UNK: variants seen among roughly 807,000 people sequenced by gnomAD.
UNK encodes unk zinc finger, also known as RING finger protein unkempt homolog.
UNK carries 32 observed loss-of-function variants against 97.6 expected under a neutral mutation model. That is an observed-to-expected ratio of 0.33 (90% CI 0.25 to 0.44). The LOEUF (loss-of-function observed/expected upper bound fraction) is 0.44, where lower values mean the gene tolerates loss of function less well. UNK is among the 20% of genes least tolerant of loss of function. The pLI is 1.00. For synonymous variants in UNK, 441 were observed against 461.2 expected, an observed-to-expected ratio of 0.96 and a Z score of 0.56; for missense variants, 771 against 1,098.4, an observed-to-expected ratio of 0.70 and a Z score of 4.21.
chr17:75,805,412 AAAAC>A (rs1337195987), intron 1 of UNK, among the ~76,000 whole-genome samples: 2 of 151,100 alleles, frequency 1.3e-5, no homozygotes, highest in Admixed American at 1.3e-4. Context: ...AAAAAAAAAA[AAAAC>A]AAGCCCACAT....
chr17:75,791,072 C>T (rs2143676453), intron 1 of UNK, among the ~76,000 whole-genome samples: 1 of 152,334 alleles, frequency 6.6e-6, no homozygotes, highest in South Asian at 2.1e-4. Flanking sequence ...ACTGCAGTGA[C>T]TGCAGTCGGT....
At position 75,825,456 on chromosome 17, in the gene UNK, C is replaced by T. The variant is rs1308829482; in HGVS notation, c.*1039C>T. On this transcript the variant is annotated 3_prime_UTR_variant, in exon 16 of 16. Coordinates refer to ENST00000589666, the MANE Select transcript of UNK (RefSeq NM_001080419.3). The surrounding 1 kb of genome is among the most constrained non-coding windows in gnomAD (Gnocchi z 4.4). Reference sequence around the variant, plus strand: ...TGCATTCCTTGGTGCTCTCTGAGTGCAGCTGGTGTCCCGCCCTGTTCTGGG... The same window carrying T: ...TGCATTCCTTGGTGCTCTCTGAGTGTAGCTGGTGTCCCGCCCTGTTCTGGG... 6.5e-6 allele frequency: 1 copy of T among 152,718 alleles called. No homozygotes were observed. The highest frequency in any genetic ancestry group is 2.4e-5 in the African/African-American group (1 of 41,458). 9.5% of individuals were successfully genotyped at this position (152,718 alleles called of 1,614,324 possible). A position where few individuals can be genotyped will look rare whatever the true frequency, so the allele number is the denominator to read the frequency against.
intron 1 of UNK, among the ~76,000 whole-genome samples, chr17:75,802,505 C>CTCCG (rs1467603950): frequency 6.6e-6 from 1 of 152,062 alleles, no homozygotes; most frequent in African/African-American, 2.4e-5. Context: ...ATCCTCCCAC[C>CTCCG]TCCGCCTCCT....
At chr17:75,821,673 G>C (rs1488239597) in intron 13 of UNK, 1 of 456,592 alleles carries the variant, frequency 2.2e-6, no homozygotes, top group Admixed American at 2.3e-5. Context: ...AAGGGAGCAA[G>C]GAAGAAGTCA....
chr17:75,800,698 C>T (rs992845806), intron 1 of UNK, among the ~76,000 whole-genome samples: 2 of 151,500 alleles, frequency 1.3e-5, no homozygotes, highest in African/African-American at 2.4e-5. Context: ...GATCGCGCCA[C>T]TGCACTCCAG....
At position 75,813,124 on chromosome 17, in the gene UNK, GC is replaced by G; in HGVS notation, c.674del (p.Pro225ArgfsTer95). ...ACTATAAGACGGAGCCTTGCAAGAA[GC>G]CCCCGCGGCTGTGCCGCCAAGGCTA... ...GNYKTEPCKKPPRLCRQGYAC... is the reference protein window; with the variant it reads ...GNYKTEPCKKXPRLCRQGYAC... On this transcript the variant is annotated frameshift_variant, in exon 5 of 16. Transcript: ENST00000589666. LOFTEE classifies it high-confidence loss of function. 1 of 1,586,788 alleles carries G rather than the reference GC, an allele frequency of 6.3e-7. No individual in the cohort carries two copies. Among genetic ancestry groups the G allele is most frequent in the Non-Finnish European group, 8.6e-7 (1 of 1,166,886 alleles).
chr17:75,785,979 A>G (rs568007149), intron 1 of UNK: 3 of 152,366 alleles, frequency 2.0e-5, no homozygotes, highest in African/African-American at 7.2e-5. Context: ...AACGAAGAAC[A>G]GAATCATCTG....
intron 1 of UNK, chr17:75,793,561 T>C: frequency 6.1e-6 from 6 of 985,392 alleles, no homozygotes; most frequent in Non-Finnish European, 7.2e-6. Context: ...TGTTGGTGGC[T>C]CAATTTCTTT....
chr17:75,821,742 C>G, intron 13 of UNK: 1 of 456,432 alleles, frequency 2.2e-6, no homozygotes, highest in African/African-American at 2.0e-5. Context: ...TTCTCGGAAG[C>G]CCGGGGCTGC....
intron 1 of UNK, 22 bp downstream of exon 1, chr17:75,785,006 C>CG (rs2061693274): frequency 8.8e-6 from 12 of 1,361,030 alleles, no homozygotes; most frequent in Non-Finnish European, 1.2e-5. Flanking sequence ...CCCCCCCCCC[C>CG]CGCCGCGCGC....
At position 75,818,040 on chromosome 17, in the gene UNK, G is replaced by T. The variant is rs1177043697; in HGVS notation, c.1306-63G>T. ...GCCCCCTGGTACCTGCAGCCTCAGG[G>T]TCAGATGGACTCAGGGACCCCCCAG... On this transcript the variant is annotated intron_variant, in intron 9 of 15. Coordinates refer to ENST00000589666, the MANE Select transcript of UNK (RefSeq NM_001080419.3). The surrounding 1 kb of genome is among the most constrained non-coding windows in gnomAD (Gnocchi z 5.1). 7.5e-5 allele frequency: 117 copies of T among 1,561,870 alleles called. No homozygotes were observed. The highest frequency in any genetic ancestry group is 9.6e-5 in the Non-Finnish European group (109 of 1,135,810).
At chr17:75,798,845 T>A (rs1398865915) in intron 1 of UNK, among the ~76,000 whole-genome samples, 2 of 151,686 alleles carry the variant, frequency 1.3e-5, no homozygotes, top group African/African-American at 4.8e-5. Context: ...GGCAGGCAGA[T>A]CATGAGGTCA....
At chr17:75,808,648 C>T (rs1342343008) in intron 1 of UNK, among the ~76,000 whole-genome samples, 3 of 152,142 alleles carry the variant, frequency 2.0e-5, no homozygotes, top group Non-Finnish European at 4.4e-5. Context: ...ACTTCTGTTC[C>T]CTTCATGCTT....
At chr17:75,792,284 T>C in intron 1 of UNK, 1 of 977,178 alleles carries the variant, frequency 1.0e-6, no homozygotes. Context: ...TAAGTTTTTT[T>C]GTTTTTGTTT....
In UNK at chr17:75,816,651, T is replaced by C. The variant is rs569180547; in HGVS notation, c.962-119T>C. On this transcript the variant is annotated intron_variant, in intron 7 of 15. Transcript: ENST00000589666. This position sits in a 1 kb window ranked among gnomAD's most constrained non-coding sequence, Gnocchi z 4.0. ...AGACATGGTGTTACTAGAGATGTCG[T>C]AGGAACCTTCCCTTTATGTGCAGGG... 2.3e-6 allele frequency: 3 copies of C among 1,294,208 alleles called. No homozygotes were observed. In the South Asian group the frequency reaches 4.7e-5, roughly 20 times the overall value. 80.2% of individuals were successfully genotyped at this position (1,294,208 alleles called of 1,614,324 possible). A position where few individuals can be genotyped will look rare whatever the true frequency, so the allele number is the denominator to read the frequency against.
chr17:75,793,581 A>G, intron 1 of UNK: 2 of 985,374 alleles, frequency 2.0e-6, no homozygotes, highest in Non-Finnish European at 2.4e-6. Context: ...TAGGACATAA[A>G]GAAGATACTG....
chr17:75,795,713 A>T (rs550254298), intron 1 of UNK, among the ~76,000 whole-genome samples: 1 of 152,276 alleles, frequency 6.6e-6, no homozygotes, highest in South Asian at 2.1e-4. Flanking sequence ...AGTACTCTCG[A>T]ATATTCTCTA....
At chr17:75,820,862 AGGG>A (rs2062061527) in intron 13 of UNK, among the ~76,000 whole-genome samples, 1 of 152,086 alleles carries the variant, frequency 6.6e-6, no homozygotes, top group Non-Finnish European at 1.5e-5. Flanking sequence ...GCTCGGGCCC[AGGG>A]AATGAGCCCT....
chr17:75,810,109 C>T (rs2061955071), intron 2 of UNK, 140 bp downstream of exon 2: 2 of 993,292 alleles, frequency 2.0e-6, no homozygotes, highest in South Asian at 1.6e-5. Context: ...TGGACTCAGA[C>T]CCCACCATCC....
Sources: allele counts gnomAD v4.1 joint callset (sites outside exome capture counted in the v4.1 genomes callset), GRCh38; gene constraint gnomAD v4.1.1; non-coding constraint Gnocchi (gnomAD v3.1); transcripts MANE v1.5; gene names NCBI Gene and HGNC (gene_info 2026-07-23, HGNC 2026-07-21).